The following CCDC12 variants were observed in gnomAD, a reference collection of about 807,000 sequenced individuals.
CCDC12 encodes the protein coiled-coil domain containing 12.
CCDC12 carries 28 observed loss-of-function variants against 25.7 expected under a neutral mutation model. The observed-to-expected ratio is 1.09, with a 90% CI of 0.81 to 1.50. The LOEUF is 1.50. CCDC12 is among the 40% of genes most tolerant of loss of function. The pLI is 0.00. For synonymous variants in CCDC12, 75 were observed against 87.7 expected, an observed-to-expected ratio of 0.86 and a Z score of 0.81; for missense variants, 198 against 210.0, an observed-to-expected ratio of 0.94 and a Z score of 0.35.
Position 46,923,376 on chromosome 3 carries a change from G to A in CCDC12, c.307-13C>T. 6.7e-7 allele frequency: 1 copy of A among 1,501,538 alleles called. No homozygotes were observed. The highest frequency in any genetic ancestry group is 8.9e-7 in the Non-Finnish European group (1 of 1,122,376). 93.0% of individuals were successfully genotyped at this position (1,501,538 alleles called of 1,614,324 possible). Reference sequence around the variant, plus strand: ...GGTTGGCCAGGTCCTGGGAAGGGAGGAGACACACATCAGGGTGGAGGGGCC... The same window carrying A: ...GGTTGGCCAGGTCCTGGGAAGGGAGAAGACACACATCAGGGTGGAGGGGCC... On this transcript the variant is annotated splice_polypyrimidine_tract_variant and intron_variant, in intron 4 of 6. Coordinates refer to ENST00000683445, the MANE Select transcript of CCDC12 (RefSeq NM_001277074.2).
At chr3:46,941,490 G>A (rs1200391362) in intron 1 of CCDC12, among the ~76,000 whole-genome samples, 2 of 151,842 alleles carry the variant, frequency 1.3e-5, no homozygotes, top group Admixed American at 6.6e-5. Flanking sequence ...GCGTGAACCT[G>A]GGAGGCAGAG....
intron 2 of CCDC12, among the ~76,000 whole-genome samples, chr3:46,925,954 C>A (rs1366665046): frequency 6.6e-6 from 1 of 152,276 alleles, no homozygotes; most frequent in African/African-American, 2.4e-5. Context: ...CCAGCCAGGG[C>A]TAAAGCTCCT....
At chr3:46,923,100 T>C in intron 5 of CCDC12, 1 of 404,512 alleles carries the variant, frequency 2.5e-6, no homozygotes. Context: ...AGGGCCTTCA[T>C]GAGGGGCCTG....
chr3:46,972,707 G>A (rs1345809791), intron 1 of CCDC12, among the ~76,000 whole-genome samples: 1 of 151,474 alleles, frequency 6.6e-6, no homozygotes, highest in Non-Finnish European at 1.5e-5. Context: ...GCCAAGGCAG[G>A]AGGATCACTT....
chr3:46,972,617 G>A (rs1442000980), intron 1 of CCDC12, among the ~76,000 whole-genome samples: 1 of 151,962 alleles, frequency 6.6e-6, no homozygotes, highest in Non-Finnish European at 1.5e-5. Context: ...ACACCCATTA[G>A]GAAGGTTATA....
chr3:46,972,629 T>A (rs2034837826), intron 1 of CCDC12, among the ~76,000 whole-genome samples: 1 of 151,864 alleles, frequency 6.6e-6, no homozygotes, highest in Non-Finnish European at 1.5e-5. Context: ...AAGGTTATAA[T>A]TAAAAAAACG....
chr3:46,960,700 G>A (rs964001829), intron 1 of CCDC12, among the ~76,000 whole-genome samples: 1 of 152,204 alleles, frequency 6.6e-6, no homozygotes, highest in South Asian at 2.1e-4. Flanking sequence ...CAGGGCCCCA[G>A]AATTTAAGGG....
intron 1 of CCDC12, chr3:46,976,420 C>T: frequency 7.0e-7 from 1 of 1,421,048 alleles, no homozygotes; most frequent in Non-Finnish European, 9.2e-7. Context: ...TGCCCACCCC[C>T]GCGCATGCGC....
chr3:46,955,054 T>C (rs1416087369), intron 1 of CCDC12, among the ~76,000 whole-genome samples: 1 of 152,204 alleles, frequency 6.6e-6, no homozygotes, highest in Non-Finnish European at 1.5e-5. Context: ...TCTTTTCCAA[T>C]GTTAACGGCT....
chr3:46,939,466 G>GGCAAAT (rs1480462782), intron 2 of CCDC12, among the ~76,000 whole-genome samples: 1 of 152,056 alleles, frequency 6.6e-6, no homozygotes, highest in Non-Finnish European at 1.5e-5. Flanking sequence ...GAATAAACCA[G>GGCAAAT]AAGACCAAAG....
At chr3:46,949,412 A>G (rs748569737) in intron 1 of CCDC12, among the ~76,000 whole-genome samples, 4 of 152,330 alleles carry the variant, frequency 2.6e-5, no homozygotes, top group Admixed American at 1.3e-4. Context: ...GGGCAGGGCA[A>G]AGACCAGTCT....
At chr3:46,951,997 G>A (rs2034146895) in intron 1 of CCDC12, among the ~76,000 whole-genome samples, 1 of 150,804 alleles carries the variant, frequency 6.6e-6, no homozygotes, top group Non-Finnish European at 1.5e-5. Context: ...ATTCTCCTGT[G>A]TGGGCCAAAG....
rs13327163 is a variant in CCDC12, at chr3:46,932,780, A to G, written c.165-7245T>C. Among the ~76,000 whole-genome samples the G allele has an allele frequency of 4.7e-3, 711 of 152,358 alleles. 8 individuals are homozygous for G. The highest frequency in any genetic ancestry group is 0.015 in the African/African-American group (641 of 41,592). ...CCCCACCTGAAACCACAGGCCAGAA[A>G]GCATGAGATAATGCACCCTCCCCAG... On this transcript the variant is annotated intron_variant, in intron 2 of 6. Coordinates refer to ENST00000683445, the MANE Select transcript of CCDC12 (RefSeq NM_001277074.2).
At chr3:46,979,735 G>A (rs2035167728), upstream of CCDC12, 2 of 317,402 alleles carry the variant, frequency 6.3e-6, no homozygotes, top group African/African-American at 2.2e-5. Flanking sequence ...GACTTCCCCA[G>A]TAGTACCGCG....
intron 1 of CCDC12, among the ~76,000 whole-genome samples, chr3:46,954,838 G>T (rs1339147416): frequency 6.6e-6 from 1 of 152,066 alleles, no homozygotes; most frequent in Admixed American, 6.5e-5. Context: ...CAGGAGAATC[G>T]CTTGAAACCA....
At chr3:46,969,595 C>T (rs2034740708) in intron 1 of CCDC12, among the ~76,000 whole-genome samples, 1 of 152,184 alleles carries the variant, frequency 6.6e-6, no homozygotes, top group Non-Finnish European at 1.5e-5. Context: ...CAGCACTTAA[C>T]TCCACAGGGT....
At chr3:46,959,712 G>C (rs990242951) in intron 1 of CCDC12, among the ~76,000 whole-genome samples, 1 of 152,148 alleles carries the variant, frequency 6.6e-6, no homozygotes, top group Non-Finnish European at 1.5e-5. Context: ...GGGACAGGGA[G>C]GTGGCAAGGA....
intron 1 of CCDC12, among the ~76,000 whole-genome samples, chr3:46,957,816 G>A (rs917783908): frequency 2.0e-5 from 3 of 151,942 alleles, no homozygotes; most frequent in Non-Finnish European, 4.4e-5. Flanking sequence ...GGTGGCAGGC[G>A]CCTGTAATCC....
intron 1 of CCDC12, among the ~76,000 whole-genome samples, chr3:46,954,882 C>T (rs2034239198): frequency 6.6e-6 from 1 of 152,100 alleles, no homozygotes; most frequent in Non-Finnish European, 1.5e-5. Flanking sequence ...AAGACTGCAC[C>T]ACTGCACTCC....
Sources: gnomAD v4.1 joint callset for allele counts (sites outside exome capture counted in the v4.1 genomes callset) on GRCh38, gnomAD v4.1.1 for gene constraint, MANE v1.5 for transcripts, NCBI Gene and HGNC (gene_info 2026-07-23, HGNC 2026-07-21) for gene names.